Variants in MYH8 observed in about 807,000 individuals in gnomAD.
MYH8 encodes the protein myosin-8.
A neutral mutation model predicts 233.2 loss-of-function variants in MYH8; 168 were observed. The observed-to-expected ratio is 0.72, with a 90% CI of 0.64 to 0.82. MYH8 has a LOEUF of 0.82. Among genes scored for constraint, MYH8 ranks in the 40% least tolerant of loss-of-function variants. The pLI, the probability that MYH8 is intolerant of heterozygous loss-of-function variation, is 0.00. For missense variants in MYH8, 1,995 were observed against 2,327.8 expected (o/e 0.86, Z 2.94); for synonymous variants, 785 against 850.6 (o/e 0.92, Z 1.34).
In MYH8 at chr17:10,415,815, G is replaced by A. The variant is rs1171523443; in HGVS notation, c.512-107C>T. 1 of 1,295,888 alleles carries A rather than the reference G, an allele frequency of 7.7e-7. No individual in the cohort carries two copies. The highest frequency in any genetic ancestry group is 1.5e-5 in the African/African-American group (1 of 67,542). The allele number at this position is 1,295,888 out of a possible 1,614,324, so 80.3% of individuals were successfully genotyped here. On this transcript the variant is annotated intron_variant, in intron 5 of 39. Coordinates refer to ENST00000403437, the MANE Select transcript of MYH8 (RefSeq NM_002472.3). This position sits in a 1 kb window ranked among gnomAD's most constrained non-coding sequence, Gnocchi z 4.1. ...TTGTTCTTTTTAACTTTTTGAAGAT[G>A]TCACCTTTGGTTTTGATTTTGTGTT...
intron 17 of MYH8, among the ~76,000 whole-genome samples, chr17:10,408,379 G>T (rs375104314): frequency 4.4e-4 from 67 of 152,270 alleles, no homozygotes; most frequent in African/African-American, 1.5e-3. Context: ...AATGCAAATT[G>T]GTTGTGAGAA....
rs2072321464 is a variant in MYH8, at chr17:10,419,931, A to G, written c.210+87T>C. The G allele has an allele frequency of 2.1e-6, 3 of 1,428,212 alleles. No homozygotes were observed. The highest frequency in any genetic ancestry group is 1.4e-5 in the African/African-American group (1 of 71,196). 88.5% of individuals were successfully genotyped at this position (1,428,212 alleles called of 1,614,324 possible). ...GACTAGAAGGGTGTTTGCATTGGCAACAGGCTTGGAGATTCCCAGTAAGTT... is the reference window on the plus strand; with the variant it reads ...GACTAGAAGGGTGTTTGCATTGGCAGCAGGCTTGGAGATTCCCAGTAAGTT... On this transcript the variant is annotated intron_variant, in intron 3 of 39. Transcript: ENST00000403437. The surrounding 1 kb of genome is among the most constrained non-coding windows in gnomAD (Gnocchi z 4.0).
At chr17:10,412,854 A>C in intron 12 of MYH8, 126 bp from the exon 13 acceptor site, 1 of 969,680 alleles carries the variant, frequency 1.0e-6, no homozygotes, top group Non-Finnish European at 1.6e-6. Context: ...TAAAAGGCCA[A>C]ATGAGGTTTT....
At chr17:10,402,027 A>G (rs1323174150) in intron 22 of MYH8, among the ~76,000 whole-genome samples, 1 of 152,206 alleles carries the variant, frequency 6.6e-6, no homozygotes, top group Non-Finnish European at 1.5e-5. Flanking sequence ...GATTATTTAA[A>G]AAATAATTTG....
rs557101124 is a variant in MYH8, at chr17:10,410,916, A to C, written c.1448T>G (p.Phe483Cys). ...FNSLEQLCIN[F>C]TNEKLQQFFN... is the part of the protein sequence containing the mutation. ...AAACTGTTGCAGTTTCTCGTTGGTG[A>C]AGTTGATGCACAGCTGCTCCAGGCT... is the stretch of plus-strand genomic sequence containing the variant. Residue 483 changes from phenylalanine (F) to cysteine (C), a missense_variant, in exon 15 of 40, where the codon TTC (phenylalanine) becomes TGC (cysteine). Phe to Cys is a radical substitution (Grantham distance 205). Transcript: ENST00000403437. 2.5e-6 allele frequency: 4 copies of C among 1,614,128 alleles called. No homozygotes were observed. The highest frequency in any genetic ancestry group is 3.4e-6 in the Non-Finnish European group (4 of 1,179,988).
At chr17:10,404,717 T>C in intron 21 of MYH8, 132 bp from the exon 22 acceptor site, 1 of 1,123,204 alleles carries the variant, frequency 8.9e-7, no homozygotes, top group South Asian at 1.4e-5. Context: ...ATATATTATA[T>C]GCAGGCTTTA....
chr17:10,404,518 T>G lies in MYH8; in HGVS notation c.2500A>C (p.Lys834Gln). The change falls in exon 22 of 40, where the codon AAA becomes CAA. Residue 834 changes from lysine to glutamine, a missense_variant. Physicochemically the swap from Lys to Gln is moderately conservative, Grantham distance 53 (BLOSUM62 1). Transcript: ENST00000403437. ...FMNVKHWPWM[K>Q]LFFKIKPLLK... is the part of the protein sequence containing the mutation. ...AGGGGCTTAATCTTGAAAAAGAGTT[T>G]CATCCAGGGCCAGTGCTTGACGTTC... 6.2e-7 allele frequency: 1 copy of G among 1,614,100 alleles called. No individual in the cohort carries two copies. Among genetic ancestry groups the G allele is most frequent in the Non-Finnish European group, 8.5e-7 (1 of 1,179,964 alleles).
intron 14 of MYH8, 144 bp from the exon 15 acceptor site, chr17:10,411,091 C>A: frequency 6.9e-7 from 1 of 1,455,874 alleles, no homozygotes; most frequent in Non-Finnish European, 9.3e-7. Flanking sequence ...AAAAAATGAT[C>A]ATTGGCCGGG....
chr17:10,413,868 T>C, intron 12 of MYH8, 34 bp downstream of exon 12: 1 of 1,613,912 alleles, frequency 6.2e-7, no homozygotes, highest in South Asian at 1.1e-5. Flanking sequence ...TGCTACATTC[T>C]CTCATTAAAC....
intron 22 of MYH8, among the ~76,000 whole-genome samples, chr17:10,402,332 C>T (rs1490084220): frequency 6.6e-6 from 1 of 152,216 alleles, no homozygotes; most frequent in African/African-American, 2.4e-5. Flanking sequence ...AATTTAAATA[C>T]ATTTCCATGT....
chr17:10,401,476 T>C, intron 23 of MYH8, 25 bp from the exon 24 acceptor site: 2 of 1,614,164 alleles, frequency 1.2e-6, no homozygotes, highest in Middle Eastern at 3.3e-4. Flanking sequence ...AAAGAGATTA[T>C]TTCTCCTATA....
intron 39 of MYH8, among the ~76,000 whole-genome samples, chr17:10,391,166 G>A (rs531940336): frequency 3.3e-5 from 5 of 152,182 alleles, no homozygotes; most frequent in African/African-American, 4.8e-5. Flanking sequence ...CAAATGTGGG[G>A]GCAAGAGCCC....
chr17:10,406,266 C>T lies in MYH8; in HGVS notation c.2295+8G>A, dbSNP rs774993071. 6.2e-5 allele frequency: 100 copies of T among 1,613,820 alleles called. No homozygotes were observed. The highest frequency in any genetic ancestry group is 7.5e-5 in the Non-Finnish European group (88 of 1,179,914). On this transcript the variant is annotated splice_region_variant and intron_variant, in intron 20 of 39. Transcript: ENST00000403437. ...ACTTGGATCAGGTGTAAATAAATAACGATATACCTTGGTATGTCCAAATTT... is the reference window on the plus strand; with the variant it reads ...ACTTGGATCAGGTGTAAATAAATAATGATATACCTTGGTATGTCCAAATTT...
In MYH8 at chr17:10,406,940, G is replaced by A. The variant is rs2072200353; in HGVS notation, c.2005C>T (p.His669Tyr). Residue 669 changes from histidine (H) to tyrosine (Y), a missense_variant, in exon 18 of 40, where the codon CAC becomes TAC. This residue lies in a region of MYH8 where 1,498 missense variants were observed against 1,680.9 expected (regional missense o/e 0.89). Transcript: ENST00000403437. ...ATGATACACCGTACGAAGTGAGGGT[G>A]TGTGCTCCTCAGATTCGTCATCAAT... is the stretch of plus-strand genomic sequence containing the variant. ...NKLMTNLRST[H>Y]PHFVRCIIPN... The A allele has an allele frequency of 1.9e-6, 3 of 1,613,960 alleles. No homozygotes were observed. Among genetic ancestry groups the A allele is most frequent in the African/African-American group, 1.3e-5 (1 of 74,920 alleles).
At chr17:10,391,498 G>A (rs538911028) in intron 39 of MYH8, among the ~76,000 whole-genome samples, 5 of 152,160 alleles carry the variant, frequency 3.3e-5, no homozygotes, top group African/African-American at 9.6e-5. Flanking sequence ...TGGCCAACAC[G>A]GTGAAGCCCT....
In MYH8 at chr17:10,414,039, C is replaced by G; in HGVS notation, c.1010G>C (p.Ser337Thr). The change falls in exon 12 of 40, where the codon AGT becomes ACT. Residue 337 changes from serine (S) to threonine (T), a missense_variant and splice_region_variant. Transcript: ENST00000403437. ...DDQEELMATDSAIDILGFTPE... is the reference protein window; with the variant it reads ...DDQEELMATDTAIDILGFTPE... ...AGTGAAGCCCAGGATGTCAATGGCA[C>G]TCTACCAGGAAAAATGAGAGGACAA... 1.2e-6 allele frequency: 2 copies of G among 1,614,082 alleles called. No homozygotes were observed. Among genetic ancestry groups the G allele is most frequent in the South Asian group, 2.2e-5 (2 of 91,070 alleles).
chr17:10,398,327 A>G, intron 30 of MYH8, 117 bp downstream of exon 30: 1 of 1,435,092 alleles, frequency 7.0e-7, no homozygotes, highest in Non-Finnish European at 9.8e-7. Flanking sequence ...ATATATATAT[A>G]ATACTTGACA....
chr17:10,393,245 GCA>G, intron 35 of MYH8, 35 bp from the exon 36 acceptor site: 1 of 1,613,904 alleles, frequency 6.2e-7, no homozygotes, highest in South Asian at 1.1e-5. Flanking sequence ...TACAAAATTT[GCA>G]GTTTGCCCTC....
rs1450899315 is a variant in MYH8 at position 10,394,268 on chromosome 17, A to G, written c.5147T>C (p.Val1716Ala). 3 of 1,613,962 alleles carry G rather than the reference A, an allele frequency of 1.9e-6. No homozygotes were observed. Among genetic ancestry groups the G allele is most frequent in the Non-Finnish European group, 1.7e-6 (2 of 1,179,926 alleles). Residue 1716 changes from valine to alanine, a missense_variant, in exon 35 of 40, where the codon GTC becomes GCC. Physicochemically the swap from Val to Ala is moderately conservative, Grantham distance 64 (BLOSUM62 0). Transcript: ENST00000403437. ...TCTCACCTGGGTGTGGAGGAGCTGG[A>G]CACGCTCACTGGCATCCAGGAGCTC... is the stretch of plus-strand genomic sequence containing the variant. ...EQELLDASERVQLLHTQNTSL... is the reference protein window; with the variant it reads ...EQELLDASERAQLLHTQNTSL...
Sources: allele counts gnomAD v4.1 joint callset (sites outside exome capture counted in the v4.1 genomes callset), GRCh38; gene constraint gnomAD v4.1.1; regional missense constraint gnomAD v4.1.1; non-coding constraint Gnocchi (gnomAD v3.1); transcripts MANE v1.5; gene names NCBI Gene and HGNC (gene_info 2026-07-23, HGNC 2026-07-21).